Variants in ANKS1B observed in about 807,000 individuals in gnomAD.
ANKS1B encodes ankyrin repeat and sterile alpha motif domain-containing protein 1B.
ANKS1B carries 36 observed loss-of-function variants against 148.3 expected under a neutral mutation model. The ratio of observed to expected loss-of-function variants is 0.24; its 90% CI spans 0.19 to 0.32. ANKS1B has a LOEUF of 0.32. ANKS1B is among the 10% of genes least tolerant of loss of function. The pLI is 1.00. For missense variants in ANKS1B, 1,157 were observed against 1,542.6 expected (o/e 0.75, Z 4.19); for synonymous variants, 542 against 560.8 (o/e 0.97, Z 0.47).
At chr12:98,807,779 C>A (rs2099062326) in intron 20 of ANKS1B, 65 bp downstream of exon 20, 3 of 1,395,592 alleles carry the variant, frequency 2.1e-6, no homozygotes, top group Non-Finnish European at 2.0e-6. Flanking sequence ...TAGCTGTTGA[C>A]AACACTGTGC....
intron 14 of ANKS1B, among the ~76,000 whole-genome samples, chr12:99,186,550 G>A (rs756831289): frequency 1.3e-4 from 20 of 152,324 alleles, no homozygotes; most frequent in Non-Finnish European, 2.5e-4. Context: ...GGATCAGGCA[G>A]CAGTCTTTGC....
chr12:99,608,123 T>C lies in ANKS1B; in HGVS notation c.1272+46944A>G, dbSNP rs561339335. Among the ~76,000 whole-genome samples the C allele has an allele frequency of 6.7e-4, 102 of 152,204 alleles. 1 individual carries two copies. The highest frequency in any genetic ancestry group is 1.2e-3 in the Non-Finnish European group (80 of 67,994). ...CATCCCATAGTTGGGTCATACAACA[T>C]TTTCACAATGTACCTTGTTGCATGG... On this transcript the variant is annotated intron_variant, in intron 9 of 26. Coordinates refer to ENST00000683438, the MANE Select transcript of ANKS1B (RefSeq NM_001352186.2).
intron 8 of ANKS1B, among the ~76,000 whole-genome samples, chr12:99,719,001 T>G (rs1042379308): frequency 1.3e-5 from 2 of 152,052 alleles, no homozygotes; most frequent in African/African-American, 4.8e-5. Flanking sequence ...CAAACCTCAA[T>G]CCCTTACAAA....
At chr12:98,792,910 G>A (rs914917054) in intron 22 of ANKS1B, among the ~76,000 whole-genome samples, 41 of 152,290 alleles carry the variant, frequency 2.7e-4, no homozygotes, top group Middle Eastern at 3.4e-3. Context: ...TGGCCATTGT[G>A]AATAGTGCTA....
chr12:99,732,945 A>G (rs150449297), intron 8 of ANKS1B, among the ~76,000 whole-genome samples: 146 of 152,276 alleles, frequency 9.6e-4, no homozygotes, highest in Admixed American at 1.7e-3. Context: ...ATTTATCTTA[A>G]GCCAGATTTG....
intron 12 of ANKS1B, among the ~76,000 whole-genome samples, chr12:99,291,750 T>C (rs1426903059): frequency 6.6e-6 from 1 of 152,098 alleles, no homozygotes; most frequent in African/African-American, 2.4e-5. Flanking sequence ...CTACCTGACT[T>C]CAAACTATAC....
Position 99,141,747 on chromosome 12 carries a change from G to T in ANKS1B, c.2526+12542C>A, listed in dbSNP as rs571025599. On this transcript the variant is annotated intron_variant, in intron 15 of 26. Coordinates refer to ENST00000683438, the MANE Select transcript of ANKS1B (RefSeq NM_001352186.2). ...TTCCAGCTCAATCCACATCCCTGCGGAGAACATGTTATCATACCTTTTCAT... is the reference window on the plus strand; with the variant it reads ...TTCCAGCTCAATCCACATCCCTGCGTAGAACATGTTATCATACCTTTTCAT... Among the ~76,000 whole-genome samples, 17 of 152,104 alleles carry T rather than the reference G, an allele frequency of 1.1e-4. No homozygotes were observed. In the South Asian group the frequency reaches 3.5e-3, roughly 32 times the overall value.
intron 1 of ANKS1B, among the ~76,000 whole-genome samples, chr12:99,869,400 A>C (rs1352562315): frequency 6.6e-6 from 1 of 152,010 alleles, no homozygotes; most frequent in Non-Finnish European, 1.5e-5. Context: ...TGGGCTGGGC[A>C]CGGTGGCTCA....
rs397850118 is a variant in ANKS1B, at chr12:98,802,594, C to CTTTTTTTT, written c.3142-1477_3142-1470dup. Among the ~76,000 whole-genome samples, 71 of 34,788 alleles carry CTTTTTTTT rather than the reference C, an allele frequency of 2.0e-3. 13 individuals carry two copies. The highest frequency in any genetic ancestry group is 6.0e-3 in the East Asian group (5 of 832). The allele number at this position is 34,788 out of a possible 152,430, so 22.8% of individuals were successfully genotyped here. A position where few individuals can be genotyped will look rare whatever the true frequency, so the allele number is the denominator to read the frequency against. On this transcript the variant is annotated intron_variant, in intron 20 of 26. Transcript: ENST00000683438. ...CTAGAGGACTTCAGTAATGCACAGG[C>CTTTTTTTT]TTTTTTTTTTTTTTTTTTTTTTTTT...
intron 12 of ANKS1B, among the ~76,000 whole-genome samples, chr12:99,267,699 T>C (rs2076590001): frequency 6.6e-6 from 1 of 152,128 alleles, no homozygotes. Context: ...CAACCAGACA[T>C]ATTATAACAT....
chr12:99,414,076 C>T lies in ANKS1B; in HGVS notation c.1576-14265G>A, dbSNP rs191704820. Among the ~76,000 whole-genome samples, 5 of 152,188 alleles carry T rather than the reference C, an allele frequency of 3.3e-5. No individual in the cohort carries two copies. The East Asian group carries it at 9.7e-4, about 29-fold the overall frequency. On this transcript the variant is annotated intron_variant, in intron 11 of 26. Transcript: ENST00000683438. ...TTGCTCTTGAGCCCTTCTCTGAGGTCCTCTGAACACCCCTACTCCACCATC... is the reference window on the plus strand; with the variant it reads ...TTGCTCTTGAGCCCTTCTCTGAGGTTCTCTGAACACCCCTACTCCACCATC...
chr12:99,774,102 G>C (rs922196591), intron 7 of ANKS1B, among the ~76,000 whole-genome samples: 3 of 151,914 alleles, frequency 2.0e-5, no homozygotes, highest in Non-Finnish European at 2.9e-5. Context: ...ATGATTTCTT[G>C]GATATGAACA....
At chr12:99,692,632 C>T (rs191155713) in intron 8 of ANKS1B, among the ~76,000 whole-genome samples, 3 of 147,582 alleles carry the variant, frequency 2.0e-5, no homozygotes, top group Non-Finnish European at 4.5e-5. Flanking sequence ...GATCGCACCA[C>T]TGCACTCCAG....
At chr12:99,962,180 T>C (rs578248562) in intron 1 of ANKS1B, among the ~76,000 whole-genome samples, 2 of 152,248 alleles carry the variant, frequency 1.3e-5, no homozygotes, top group South Asian at 4.1e-4. Flanking sequence ...TATTGACCCG[T>C]CCTCTAAGTT....
intron 9 of ANKS1B, chr12:99,649,748 G>C (rs535322528): frequency 4.3e-5 from 8 of 186,364 alleles, no homozygotes; most frequent in Admixed American, 3.5e-4. Flanking sequence ...CTAGAGAGCA[G>C]TATGAATGTG....
intron 22 of ANKS1B, among the ~76,000 whole-genome samples, chr12:98,784,420 G>A (rs1029585234): frequency 1.3e-5 from 2 of 152,186 alleles, no homozygotes. Context: ...GAAGGTAGGA[G>A]CAATGCCCCA....
intron 17 of ANKS1B, among the ~76,000 whole-genome samples, chr12:98,910,022 T>G (rs1215597820): frequency 6.6e-6 from 1 of 152,216 alleles, no homozygotes; most frequent in Non-Finnish European, 1.5e-5. Flanking sequence ...TAGCAGCCTG[T>G]GGGCCACAGT....
At chr12:99,485,097 T>A (rs1438341553) in intron 10 of ANKS1B, among the ~76,000 whole-genome samples, 1 of 151,972 alleles carries the variant, frequency 6.6e-6, no homozygotes. Flanking sequence ...ATTATGTCAT[T>A]GTTTTATAGG....
At chr12:99,030,189 G>T (rs2099951160) in intron 17 of ANKS1B, among the ~76,000 whole-genome samples, 1 of 152,218 alleles carries the variant, frequency 6.6e-6, no homozygotes, top group Non-Finnish European at 1.5e-5. Flanking sequence ...CTGCATGGCT[G>T]CAGTCCCTGT....
Sources: allele counts gnomAD v4.1 joint callset (sites outside exome capture counted in the v4.1 genomes callset), GRCh38; gene constraint gnomAD v4.1.1; transcripts MANE v1.5; gene names NCBI Gene and HGNC (gene_info 2026-07-23, HGNC 2026-07-21).